C9orf85: variants seen among roughly 807,000 people sequenced by gnomAD.
The protein encoded by C9orf85 is uncharacterized protein C9orf85.
In C9orf85, 16 loss-of-function variants were observed where a neutral mutation model predicts 14.9. The observed-to-expected ratio is 1.08, with a 90% CI of 0.73 to 1.63. C9orf85 has a LOEUF of 1.63. C9orf85 is among the 40% of genes most tolerant of loss of function. The pLI is 0.00. For missense variants in C9orf85, 172 were observed against 186.1 expected, an observed-to-expected ratio of 0.92 and a Z score of 0.44; for synonymous variants, 45 against 56.8, an observed-to-expected ratio of 0.79 and a Z score of 0.93.
intron 2 of C9orf85, among the ~76,000 whole-genome samples, chr9:71,969,094 A>C (rs1246982202): frequency 6.6e-6 from 1 of 152,180 alleles, no homozygotes; most frequent in African/African-American, 2.4e-5. Flanking sequence ...GATGAAGAGA[A>C]CAAGGAAGTT....
intron 1 of C9orf85, chr9:71,918,494 G>A (rs554928009): frequency 3.9e-5 from 50 of 1,280,068 alleles, no homozygotes; most frequent in South Asian, 1.2e-4. Context: ...CCCAGCCCCC[G>A]ACCCCCGCAT....
chr9:71,933,799 A>G (rs1288544883), intron 1 of C9orf85, among the ~76,000 whole-genome samples: 1 of 152,098 alleles, frequency 6.6e-6, no homozygotes, highest in South Asian at 2.1e-4. Context: ...TCTAACTGCT[A>G]TTGTTTGTTC....
At chr9:71,927,877 T>A (rs1827968250) in intron 1 of C9orf85, among the ~76,000 whole-genome samples, 1 of 152,160 alleles carries the variant, frequency 6.6e-6, no homozygotes, top group Admixed American at 6.6e-5. Flanking sequence ...TTATTTTCTG[T>A]CCTTTATCAA....
At position 71,966,096 on chromosome 9, in the gene C9orf85, A is replaced by T. The variant is rs1822682616; in HGVS notation, c.210-5409A>T. On this transcript the variant is annotated intron_variant, in intron 2 of 3. Coordinates refer to ENST00000334731, the MANE Select transcript of C9orf85 (RefSeq NM_182505.5). The stretch of plus-strand genomic sequence containing the variant: ...CCATTCATACACTGCTGAGTGTTCA[A>T]ACTGTTCAAATAAGGCAAATGCTAA... Among the ~76,000 whole-genome samples the T allele has an allele frequency of 5.3e-5, 8 of 152,306 alleles. No individual in the cohort carries two copies. The South Asian group carries it at 1.7e-3, about 32-fold the overall frequency.
chr9:71,973,068 C>G lies in C9orf85; in HGVS notation c.*226C>G, dbSNP rs1216505199. The G allele has an allele frequency of 9.4e-6, 2 of 212,286 alleles. No homozygotes were observed. Among genetic ancestry groups the G allele is most frequent in the African/African-American group, 4.6e-5 (2 of 43,436 alleles). 13.2% of individuals were successfully genotyped at this position (212,286 alleles called of 1,614,324 possible). The stretch of plus-strand genomic sequence containing the variant: ...GCTGAGGCAGGAGGATTGCTTGAAC[C>G]CTGGAGGCGGAGATTGAAGTGAGCT... On this transcript the variant is annotated 3_prime_UTR_variant, in exon 4 of 4. Coordinates refer to ENST00000334731, the MANE Select transcript of C9orf85 (RefSeq NM_182505.5).
downstream of C9orf85, among the ~76,000 whole-genome samples, chr9:71,977,359 C>A (rs1031588672): frequency 1.3e-5 from 2 of 151,048 alleles, no homozygotes; most frequent in Non-Finnish European, 2.9e-5. Context: ...ATAGCACTTA[C>A]GTGCTATGGC....
intron 3 of C9orf85, among the ~76,000 whole-genome samples, chr9:71,979,855 C>T (rs2132376981): frequency 6.6e-6 from 1 of 152,134 alleles, no homozygotes; most frequent in Non-Finnish European, 1.5e-5. Context: ...ATTAGAAAAA[C>T]ATACTCCATT....
chr9:71,919,479 T>C (rs751153297), intron 1 of C9orf85, among the ~76,000 whole-genome samples: 3 of 152,264 alleles, frequency 2.0e-5, no homozygotes, highest in African/African-American at 4.8e-5. Flanking sequence ...CACCCTCTTT[T>C]ATCTTTCTCC....
chr9:71,957,078 TG>T (rs1162363218), intron 2 of C9orf85, among the ~76,000 whole-genome samples: 4 of 151,952 alleles, frequency 2.6e-5, no homozygotes, highest in Non-Finnish European at 1.5e-5. Flanking sequence ...CCTCCCAAAG[TG>T]CTGGGATTAC....
Position 71,947,130 on chromosome 9 carries a change from A to G in C9orf85, c.209+18A>G, listed in dbSNP as rs1165899176. ...AAAAAGTGGTGAGTTAAGATTCTTCATTACCTTACTTGGTGGTATATGTAT... is the reference window on the plus strand; with the variant it reads ...AAAAAGTGGTGAGTTAAGATTCTTCGTTACCTTACTTGGTGGTATATGTAT... On this transcript the variant is annotated intron_variant, in intron 2 of 3. Transcript: ENST00000334731. The G allele has an allele frequency of 2.0e-6, 3 of 1,503,160 alleles. No individual in the cohort carries two copies. Among genetic ancestry groups the G allele is most frequent in the Non-Finnish European group, 2.8e-6 (3 of 1,082,300 alleles). The allele number at this position is 1,503,160 out of a possible 1,614,324, so 93.1% of individuals were successfully genotyped here.
Position 71,918,506 on chromosome 9 carries a change from G to C in C9orf85, c.102+6670G>C, listed in dbSNP as rs977377503. On this transcript the variant is annotated intron_variant, in intron 1 of 3. Coordinates refer to ENST00000334731, the MANE Select transcript of C9orf85 (RefSeq NM_182505.5). ...GTCCCCAGCCCCCGACCCCCGCATC[G>C]GTCCATGGCCTGTCAGGAACTGGGC... 3 of 1,202,952 alleles carry C rather than the reference G, an allele frequency of 2.5e-6. No homozygotes were observed. In the Admixed American group the frequency reaches 7.1e-5, roughly 28 times the overall value. The allele number at this position is 1,202,952 out of a possible 1,614,324, so 74.5% of individuals were successfully genotyped here.
intron 2 of C9orf85, among the ~76,000 whole-genome samples, chr9:71,965,656 C>A (rs1040151748): frequency 4.6e-5 from 7 of 152,160 alleles, no homozygotes; most frequent in Non-Finnish European, 1.0e-4. Flanking sequence ...TGTTCTCTAA[C>A]TCCTGGGCTC....
chr9:71,960,871 A>G (rs1486567421), intron 2 of C9orf85, among the ~76,000 whole-genome samples: 2 of 149,718 alleles, frequency 1.3e-5, no homozygotes, highest in African/African-American at 4.9e-5. Context: ...CATGTTTACC[A>G]GTGTGTGGCA....
chr9:71,922,140 C>T (rs1422162836), intron 1 of C9orf85, among the ~76,000 whole-genome samples: 1 of 151,864 alleles, frequency 6.6e-6, no homozygotes, highest in African/African-American at 2.4e-5. Context: ...ACGGTTTCAC[C>T]ATCTTGGCCA....
intron 1 of C9orf85, among the ~76,000 whole-genome samples, chr9:71,936,662 T>C: frequency 1.3e-5 from 2 of 152,278 alleles, no homozygotes; most frequent in South Asian, 4.1e-4. Context: ...TTTTAAAACA[T>C]TGCATTGTAG....
rs111315320 is a variant in C9orf85 at position 71,960,913 on chromosome 9, GT to G, written c.210-10576del. The stretch of plus-strand genomic sequence containing the variant: ...ATTGGCCGTTTTTCAGTTCCAAATT[GT>G]TTTTTTTTTTTTTTTGAGACGGAGT... On this transcript the variant is annotated intron_variant, in intron 2 of 3. Coordinates refer to ENST00000334731, the MANE Select transcript of C9orf85 (RefSeq NM_182505.5). Among the ~76,000 whole-genome samples the G allele has an allele frequency of 5.6e-3, 703 of 124,556 alleles. 6 individuals carry two copies. Among genetic ancestry groups the G allele is most frequent in the African/African-American group, 0.015 (505 of 34,266 alleles). 81.7% of individuals were successfully genotyped at this position (124,556 alleles called of 152,430 possible).
chr9:71,973,842 C>T (rs1395456515), downstream of C9orf85, among the ~76,000 whole-genome samples: 1 of 124,546 alleles, frequency 8.0e-6, no homozygotes, highest in Non-Finnish European at 1.7e-5. Flanking sequence ...TATAAATTAG[C>T]TTGGTCTGGG....
chr9:71,946,733 G>T (rs1449505175), intron 1 of C9orf85, among the ~76,000 whole-genome samples: 1 of 151,480 alleles, frequency 6.6e-6, no homozygotes, highest in African/African-American at 2.4e-5. Flanking sequence ...GGTGGAGGTT[G>T]CAGTGAGCCA....
chr9:71,980,267 G>C (rs1823074593), intron 3 of C9orf85, among the ~76,000 whole-genome samples: 1 of 152,096 alleles, frequency 6.6e-6, no homozygotes, highest in Non-Finnish European at 1.5e-5. Context: ...ACCCATCTCA[G>C]CCTTCCAAAG....
Sources: allele counts gnomAD v4.1 joint callset (sites outside exome capture counted in the v4.1 genomes callset), GRCh38; gene constraint gnomAD v4.1.1; transcripts MANE v1.5; gene names NCBI Gene and HGNC (gene_info 2026-07-23, HGNC 2026-07-21).